Variants in CLSTN1 observed in about 807,000 individuals in gnomAD.
CLSTN1 encodes the protein calsyntenin-1.
A neutral mutation model predicts 108.3 loss-of-function variants in CLSTN1; 28 were observed. That is an observed-to-expected ratio of 0.26 (90% CI 0.19 to 0.35). CLSTN1 has a LOEUF of 0.35. CLSTN1 is among the 10% of genes least tolerant of loss of function. CLSTN1 has a pLI of 1.00. For synonymous variants in CLSTN1, 524 were observed against 534.9 expected, an observed-to-expected ratio of 0.98 and a Z score of 0.28; for missense variants, 1,157 against 1,302.6, an observed-to-expected ratio of 0.89 and a Z score of 1.72.
intron 1 of CLSTN1, among the ~76,000 whole-genome samples, chr1:9,822,431 T>C (rs1655222295): frequency 6.6e-6 from 1 of 152,182 alleles, no homozygotes; most frequent in Non-Finnish European, 1.5e-5. Context: ...ACTTCTCTCC[T>C]TATGTCACGC....
At chr1:9,779,512 G>A (rs893094078) in intron 1 of CLSTN1, among the ~76,000 whole-genome samples, 15 of 152,062 alleles carry the variant, frequency 9.9e-5, no homozygotes, top group African/African-American at 1.2e-4. Context: ...AGCCAAGATC[G>A]CACCACTCCA....
At chr1:9,808,339 T>C (rs1654592059) in intron 1 of CLSTN1, among the ~76,000 whole-genome samples, 1 of 152,238 alleles carries the variant, frequency 6.6e-6, no homozygotes, top group African/African-American at 2.4e-5. Flanking sequence ...CGTGAACGCA[T>C]GTGCATGCAT....
intron 1 of CLSTN1, among the ~76,000 whole-genome samples, chr1:9,804,022 T>A (rs937810166): frequency 4.6e-5 from 7 of 152,056 alleles, no homozygotes; most frequent in African/African-American, 1.7e-4. Flanking sequence ...ATAAACCTGA[T>A]TTTAACGTTT....
In CLSTN1 at chr1:9,729,899, G is replaced by T. The variant is rs1650252436; in HGVS notation, c.*609C>A. On this transcript the variant is annotated 3_prime_UTR_variant, in exon 19 of 19. Transcript: ENST00000377298. ...TGGGCCTCTCCCTCTGGGGTCTGGG[G>T]AGGGAGGACCCGGCGGGAAGAGCCC... 6.4e-6 allele frequency: 1 copy of T among 155,890 alleles called. No homozygotes were observed. The highest frequency in any genetic ancestry group is 6.2e-5 in the Admixed American group (1 of 16,230). The allele number at this position is 155,890 out of a possible 1,614,324, so 9.7% of individuals were successfully genotyped here. A position where few individuals can be genotyped will look rare whatever the true frequency, so the allele number is the denominator to read the frequency against.
chr1:9,813,287 C>T (rs1223708143), intron 1 of CLSTN1, among the ~76,000 whole-genome samples: 1 of 151,888 alleles, frequency 6.6e-6, no homozygotes, highest in East Asian at 1.9e-4. Context: ...TGCCTGAGCT[C>T]AGGAGTTCAA....
At position 9,804,671 on chromosome 1, in the gene CLSTN1, C is replaced by A. The variant is rs117255306; in HGVS notation, c.91+18972G>T. Reference sequence around the variant, plus strand: ...ACCAGCCTGGGCAACACAGTGAAATCCCGTCTCTACAAAAAATACAAAATT... The same window carrying A: ...ACCAGCCTGGGCAACACAGTGAAATACCGTCTCTACAAAAAATACAAAATT... On this transcript the variant is annotated intron_variant, in intron 1 of 18. Transcript: ENST00000377298. 5.4e-4 allele frequency among the ~76,000 whole-genome samples: 82 copies of A among 152,232 alleles called. No homozygotes were observed. The East Asian group carries it at 0.015, about 28-fold the overall frequency.
At chr1:9,753,231 T>TA (rs1483152913) in intron 4 of CLSTN1, among the ~76,000 whole-genome samples, 2 of 152,186 alleles carry the variant, frequency 1.3e-5, no homozygotes. Context: ...GAGAATCTGA[T>TA]ACCGCTGCTG....
At chr1:9,740,858 A>C (rs1650944211) in intron 10 of CLSTN1, among the ~76,000 whole-genome samples, 1 of 152,174 alleles carries the variant, frequency 6.6e-6, no homozygotes, top group Non-Finnish European at 1.5e-5. Flanking sequence ...GGTTTCCGGG[A>C]AAGGTGACGG....
chr1:9,734,128 C>A lies in CLSTN1; in HGVS notation c.2125G>T (p.Val709Leu). The A allele has an allele frequency of 6.2e-7, 1 of 1,614,100 alleles. No individual in the cohort carries two copies. The highest frequency in any genetic ancestry group is 1.3e-5 in the African/African-American group (1 of 75,038). ...AEDPTVQESL[V>L]SEEIVHDLDT... ...AGGTCGTGCACGATCTCCTCGGACA[C>A]CAGTGATTCTTGAACTGCAAAAGAG... Residue 709 changes from valine to leucine, a missense_variant, in exon 15 of 19, where the codon GTG (valine) becomes TTG (leucine). Transcript: ENST00000377298. This position sits in a 1 kb window ranked among gnomAD's most constrained non-coding sequence, Gnocchi z 4.8.
rs1650332057 is a variant in CLSTN1 at position 9,730,788 on chromosome 1, A to G, written c.2749-83T>C. On this transcript the variant is annotated intron_variant, in intron 18 of 18. Coordinates refer to ENST00000377298, the MANE Select transcript of CLSTN1 (RefSeq NM_001009566.3). This position sits in a 1 kb window ranked among gnomAD's most constrained non-coding sequence, Gnocchi z 5.6. ...GGCATTCTCCTCTCGACAGCCACAGAGGAAGGAGAACTTGCCCCAGCGTCT... is the reference window on the plus strand; with the variant it reads ...GGCATTCTCCTCTCGACAGCCACAGGGGAAGGAGAACTTGCCCCAGCGTCT... 7.5e-7 allele frequency: 1 copy of G among 1,331,322 alleles called. No individual in the cohort carries two copies. Among genetic ancestry groups the G allele is most frequent in the Admixed American group, 2.0e-5 (1 of 49,836 alleles). 82.5% of individuals were successfully genotyped at this position (1,331,322 alleles called of 1,614,324 possible).
intron 10 of CLSTN1, among the ~76,000 whole-genome samples, chr1:9,739,334 T>C (rs1319480751): frequency 6.6e-6 from 1 of 152,226 alleles, no homozygotes. Context: ...TACACCACTG[T>C]TGGACCTGCT....
At chr1:9,807,182 C>T (rs1654545212) in intron 1 of CLSTN1, among the ~76,000 whole-genome samples, 1 of 151,890 alleles carries the variant, frequency 6.6e-6, no homozygotes, top group South Asian at 2.1e-4. Flanking sequence ...ACCTGTTTAA[C>T]GTTAACAGCG....
chr1:9,791,406 ATTT>A (rs1048504717), intron 1 of CLSTN1, among the ~76,000 whole-genome samples: 1 of 150,964 alleles, frequency 6.6e-6, no homozygotes, highest in African/African-American at 2.4e-5. Flanking sequence ...TAGTTTTAAA[ATTT>A]TTTTGTAGAG....
At position 9,768,095 on chromosome 1, in the gene CLSTN1, T is replaced by G. The variant is rs551328619; in HGVS notation, c.214+5177A>C. On this transcript the variant is annotated intron_variant, in intron 2 of 18. Transcript: ENST00000377298. Reference sequence around the variant, plus strand: ...TGCCTAAGGCCACACAGCCAATAAGTAGCAGAGCTACGATTCACTCACTGG... The same window carrying G: ...TGCCTAAGGCCACACAGCCAATAAGGAGCAGAGCTACGATTCACTCACTGG... Among the ~76,000 whole-genome samples, 4 of 152,302 alleles carry G rather than the reference T, an allele frequency of 2.6e-5. No individual in the cohort carries two copies. The South Asian group carries it at 8.3e-4, about 32-fold the overall frequency.
Position 9,798,274 on chromosome 1 carries a change from C to T in CLSTN1, c.92-24880G>A, listed in dbSNP as rs77396295. 7.4e-3 allele frequency among the ~76,000 whole-genome samples: 1,131 copies of T among 152,270 alleles called. 13 individuals are homozygous for T. Among genetic ancestry groups the T allele is most frequent in the African/African-American group, 0.025 (1,059 of 41,546 alleles). On this transcript the variant is annotated intron_variant, in intron 1 of 18. Coordinates refer to ENST00000377298, the MANE Select transcript of CLSTN1 (RefSeq NM_001009566.3). ...AGAACTGAAAACAGGTACTCAAATA[C>T]TTATGAATGAATCATCACAGCAGCA... is the stretch of plus-strand genomic sequence containing the variant.
intron 2 of CLSTN1, among the ~76,000 whole-genome samples, chr1:9,769,712 G>A (rs1411403477): frequency 2.6e-5 from 4 of 152,106 alleles, no homozygotes; most frequent in Non-Finnish European, 5.9e-5. Flanking sequence ...ATGGTTTTTG[G>A]AACATTCTAA....
At chr1:9,750,505 G>A (rs1651504903) in intron 5 of CLSTN1, among the ~76,000 whole-genome samples, 5 of 151,624 alleles carry the variant, frequency 3.3e-5, no homozygotes, top group South Asian at 2.1e-4. Flanking sequence ...GCCTGATCTC[G>A]GCTCACTGCA....
intron 1 of CLSTN1, among the ~76,000 whole-genome samples, chr1:9,783,280 A>G (rs1653333204): frequency 6.6e-6 from 1 of 152,178 alleles, no homozygotes; most frequent in Non-Finnish European, 1.5e-5. Flanking sequence ...CTTTGTAACT[A>G]GAAATCCACG....
chr1:9,743,765 C>T (rs993763624), intron 9 of CLSTN1, 119 bp downstream of exon 9: 25 of 1,128,492 alleles, frequency 2.2e-5, no homozygotes, highest in Non-Finnish European at 3.0e-5. Flanking sequence ...GTAATGTTGC[C>T]CAGGCTGGTC....
Sources: allele counts gnomAD v4.1 joint callset (sites outside exome capture counted in the v4.1 genomes callset), GRCh38; gene constraint gnomAD v4.1.1; non-coding constraint Gnocchi (gnomAD v3.1); transcripts MANE v1.5; gene names NCBI Gene and HGNC (gene_info 2026-07-23, HGNC 2026-07-21).